The following TMEM179 variants were observed in gnomAD, a reference collection of about 807,000 sequenced individuals.
TMEM179 encodes transmembrane protein 179A.
Under a neutral mutation model 22.2 loss-of-function variants are expected in TMEM179, and 17 were observed. The ratio of observed to expected loss-of-function variants is 0.77; its 90% CI spans 0.52 to 1.15. The LOEUF is 1.15. Ranked by LOEUF, TMEM179 falls within the 50% of genes most tolerant of loss-of-function variation. The pLI is 0.00. For synonymous variants in TMEM179, 127 were observed against 140.5 expected (o/e 0.90, Z 0.68); for missense variants, 265 against 313.6 (o/e 0.84, Z 1.17).
At chr14:104,594,520 AC>A in intron 3 of TMEM179, 2 of 1,231,398 alleles carry the variant, frequency 1.6e-6, no homozygotes. Context: ...CAAGGGGCAA[AC>A]CCAATTCCAG....
rs576171913 is a variant in TMEM179 at position 104,597,675 on chromosome 14, G to A, written c.306-548C>T. On this transcript the variant is annotated intron_variant, in intron 1 of 3. Transcript: ENST00000556573. This position sits in a 1 kb window ranked among gnomAD's most constrained non-coding sequence, Gnocchi z 4.8. ...CAGATAACGACACAGCAAGAGGAAC[G>A]GGCCCTCAGCAGGCATCGAACCTGG... 2.6e-5 allele frequency among the ~76,000 whole-genome samples: 4 copies of A among 152,252 alleles called. No individual in the cohort carries two copies. The highest frequency in any genetic ancestry group is 3.9e-4 in the East Asian group (2 of 5,182).
intron 1 of TMEM179, among the ~76,000 whole-genome samples, chr14:104,601,193 C>T (rs1423999740): frequency 6.6e-6 from 1 of 152,226 alleles, no homozygotes; most frequent in Admixed American, 6.5e-5. Flanking sequence ...CCTGCAGACC[C>T]CATCTTCCCA....
rs1886835710 is a variant in TMEM179, at chr14:104,591,282, G to T, written c.*2197C>A. 2.3e-5 allele frequency: 10 copies of T among 439,930 alleles called. No individual in the cohort carries two copies. The highest frequency in any genetic ancestry group is 1.6e-4 in the South Asian group (10 of 61,908). 27.3% of individuals were successfully genotyped at this position (439,930 alleles called of 1,614,324 possible). On this transcript the variant is annotated 3_prime_UTR_variant, in exon 4 of 4. Transcript: ENST00000556573. The stretch of plus-strand genomic sequence containing the variant: ...AGACCCAACCGGGGCCAAGCCTCAG[G>T]TTCCAGAAGCCACCCCTGCCTCCTG...
At chr14:104,603,641 C>CCACAGAGGGAGAGGGTGGGTT (rs533135864) in intron 1 of TMEM179, among the ~76,000 whole-genome samples, 1 of 143,150 alleles carries the variant, frequency 7.0e-6, no homozygotes, top group Non-Finnish European at 1.5e-5. Context: ...CAGAGGGCAC[C>CCACAGAGGGAGAGGGTGGGTT]CACAGAGGGA....
chr14:104,593,473 C>T lies in TMEM179; in HGVS notation c.*6G>A, dbSNP rs1441220787. The T allele has an allele frequency of 3.3e-6, 5 of 1,536,046 alleles. No individual in the cohort carries two copies. The highest frequency in any genetic ancestry group is 2.4e-5 in the East Asian group (1 of 40,910). Reference sequence around the variant, plus strand: ...TCGGGGCCAGCTCCCCCTGCCTGCACTGTGCCTAAATGACAGCGCTCTTCT... The same window carrying T: ...TCGGGGCCAGCTCCCCCTGCCTGCATTGTGCCTAAATGACAGCGCTCTTCT... On this transcript the variant is annotated 3_prime_UTR_variant, in exon 4 of 4. Coordinates refer to ENST00000556573, the MANE Select transcript of TMEM179 (RefSeq NM_001286389.2).
chr14:104,593,940 C>A (rs778957910), intron 3 of TMEM179: 2 of 904,050 alleles, frequency 2.2e-6, no homozygotes, highest in African/African-American at 1.7e-5. Context: ...CACTCCAGGC[C>A]GGCCAGAGGC....
chr14:104,597,025 G>A lies in TMEM179; in HGVS notation c.408C>T (p.Cys136=), dbSNP rs200115105. The change falls in exon 2 of 4, where the codon TGC becomes TGT. Residue 136 remains cysteine, a synonymous_variant. Coordinates refer to ENST00000556573, the MANE Select transcript of TMEM179 (RefSeq NM_001286389.2). The surrounding 1 kb of genome is among the most constrained non-coding windows in gnomAD (Gnocchi z 4.8). ...TIVSVGFTMW[C]DTITEKGTVP... ...CGGTGCCCTTCTCGGTGATGGTGTC[G>A]CACCACATGGTGAAGCCCACGCTCA... 113 of 1,609,564 alleles carry A rather than the reference G, an allele frequency of 7.0e-5. No individual in the cohort carries two copies. The African/African-American group carries it at 1.1e-3, about 16-fold the overall frequency.
Position 104,601,388 on chromosome 14 carries a change from C to T in TMEM179, c.305+3049G>A, listed in dbSNP as rs143030205. 8.1e-4 allele frequency among the ~76,000 whole-genome samples: 123 copies of T among 152,304 alleles called. 3 individuals carry two copies. The East Asian group carries it at 0.017, about 21-fold the overall frequency. On this transcript the variant is annotated intron_variant, in intron 1 of 3. Coordinates refer to ENST00000556573, the MANE Select transcript of TMEM179 (RefSeq NM_001286389.2). ...ACTCCTACGCACCATCCCCTGTGCT[C>T]AGCCCTAAGGACACAGAGATGAATA...
At chr14:104,593,949 G>A in intron 3 of TMEM179, 1 of 956,324 alleles carries the variant, frequency 1.0e-6, no homozygotes, top group Non-Finnish European at 1.4e-6. Flanking sequence ...CCGGCCAGAG[G>A]CCCCGAGGAG....
At position 104,595,095 on chromosome 14, in the gene TMEM179, A is replaced by G. The variant is rs780533439; in HGVS notation, c.522+70T>C. 5 of 1,608,448 alleles carry G rather than the reference A, an allele frequency of 3.1e-6. No individual in the cohort carries two copies. The South Asian group carries it at 5.5e-5, about 18-fold the overall frequency. ...TCCTCCTCTGGATGGGGGAGAGCTC[A>G]GCAAATGTCCAGCAGTAAATGGCCC... is the stretch of plus-strand genomic sequence containing the variant. On this transcript the variant is annotated intron_variant, in intron 3 of 3. Transcript: ENST00000556573. This position sits in a 1 kb window ranked among gnomAD's most constrained non-coding sequence, Gnocchi z 5.7.
chr14:104,593,630 C>A lies in TMEM179; in HGVS notation c.551G>T (p.Trp184Leu). The change falls in exon 4 of 4, where the codon TGG (tryptophan) becomes TTG (leucine). Residue 184 changes from tryptophan (W) to leucine (L), a missense_variant. Physicochemically the swap from Trp to Leu is moderately conservative, Grantham distance 61. Coordinates refer to ENST00000556573, the MANE Select transcript of TMEM179 (RefSeq NM_001286389.2). ...QFGLWASWLA[W>L]LAITTLAFLK... ...GAAGGCCAGCGTGGTGATGGCCAGC[C>A]AGGCCAGCCATGAGGCCCAGAGGCC... The A allele has an allele frequency of 6.7e-7, 1 of 1,486,846 alleles. No individual in the cohort carries two copies. Among genetic ancestry groups the A allele is most frequent in the Non-Finnish European group, 8.9e-7 (1 of 1,118,880 alleles). The allele number at this position is 1,486,846 out of a possible 1,614,324, so 92.1% of individuals were successfully genotyped here.
At position 104,591,961 on chromosome 14, in the gene TMEM179, A is replaced by T. The variant is rs2140476107; in HGVS notation, c.*1518T>A. 6.3e-6 allele frequency: 1 copy of T among 158,996 alleles called. No homozygotes were observed. The highest frequency in any genetic ancestry group is 1.8e-4 in the South Asian group (1 of 5,556). The allele number at this position is 158,996 out of a possible 1,614,324, so 9.8% of individuals were successfully genotyped here. A position where few individuals can be genotyped will look rare whatever the true frequency, so the allele number is the denominator to read the frequency against. On this transcript the variant is annotated 3_prime_UTR_variant, in exon 4 of 4. Coordinates refer to ENST00000556573, the MANE Select transcript of TMEM179 (RefSeq NM_001286389.2). ...TCCTGAGGGGCAGGGTCCACAGCCA[A>T]GCAGCCCCCTACGCCGGGGTCCCAG...
intron 1 of TMEM179, among the ~76,000 whole-genome samples, chr14:104,600,609 TTTAC>T (rs1285095434): frequency 5.9e-5 from 9 of 151,932 alleles, no homozygotes; most frequent in African/African-American, 1.9e-4. Context: ...CATTCATTCA[TTTAC>T]TCATTCATTC....
chr14:104,604,397 G>A lies in TMEM179; in HGVS notation c.305+40C>T, dbSNP rs746142593. On this transcript the variant is annotated intron_variant, in intron 1 of 3. Coordinates refer to ENST00000556573, the MANE Select transcript of TMEM179 (RefSeq NM_001286389.2). The surrounding 1 kb of genome is among the most constrained non-coding windows in gnomAD (Gnocchi z 4.6). ...GGAGGTGGGTCTGGGGGCGCTGGGGGCATGGAAGGGGCGCCGCGCCGGGAG... is the reference window on the plus strand; with the variant it reads ...GGAGGTGGGTCTGGGGGCGCTGGGGACATGGAAGGGGCGCCGCGCCGGGAG... The A allele has an allele frequency of 1.2e-5, 17 of 1,459,932 alleles. No homozygotes were observed. The highest frequency in any genetic ancestry group is 7.5e-5 in the Admixed American group (3 of 39,888). The allele number at this position is 1,459,932 out of a possible 1,614,324, so 90.4% of individuals were successfully genotyped here.
rs550166499 is a variant in TMEM179 at position 104,594,796 on chromosome 14, G to A, written c.522+369C>T. ...TCTGATCTGAACAGGCCCACCCAGC[G>A]CCAGCACCAAAGTCCAAAGCCCTTG... On this transcript the variant is annotated intron_variant, in intron 3 of 3. Coordinates refer to ENST00000556573, the MANE Select transcript of TMEM179 (RefSeq NM_001286389.2). 145 of 1,211,366 alleles carry A rather than the reference G, an allele frequency of 1.2e-4. 1 individual carries two copies. In the African/African-American group the frequency reaches 1.7e-3, roughly 14 times the overall value. The allele number at this position is 1,211,366 out of a possible 1,614,324, so 75.0% of individuals were successfully genotyped here.
In TMEM179 at chr14:104,594,655, G is replaced by A. The variant is rs991474019; in HGVS notation, c.522+510C>T. On this transcript the variant is annotated intron_variant, in intron 3 of 3. Transcript: ENST00000556573. Reference sequence around the variant, plus strand: ...CCAAGTCTCCTAGGGGGCGGGGGACGCAGCTTATACAAGGGCAGGGTGGCA... The same window carrying A: ...CCAAGTCTCCTAGGGGGCGGGGGACACAGCTTATACAAGGGCAGGGTGGCA... 111 of 1,215,034 alleles carry A rather than the reference G, an allele frequency of 9.1e-5. No individual in the cohort carries two copies. In the Middle Eastern group the frequency reaches 1.3e-3, roughly 14 times the overall value. The allele number at this position is 1,215,034 out of a possible 1,614,324, so 75.3% of individuals were successfully genotyped here. A position where few individuals can be genotyped will look rare whatever the true frequency, so the allele number is the denominator to read the frequency against.
At chr14:104,593,885 G>A (rs115852902) in intron 3 of TMEM179, among the ~76,000 whole-genome samples, 1,572 of 152,318 alleles carry the variant, frequency 0.01, 34 homozygotes, top group African/African-American at 0.036. Context: ...TGGCCCTCCC[G>A]GAACCCACTC....
At position 104,595,740 on chromosome 14, in the gene TMEM179, C is replaced by T. The variant is rs1227299763; in HGVS notation, c.444-497G>A. 6.6e-6 allele frequency among the ~76,000 whole-genome samples: 1 copy of T among 152,178 alleles called. No individual in the cohort carries two copies. The highest frequency in any genetic ancestry group is 2.4e-5 in the African/African-American group (1 of 41,448). ...AGGTGGCATCCCCACCAACGCTGCC[C>T]AGAAGCTCTGCCCCCATCACGGAGG... On this transcript the variant is annotated intron_variant, in intron 2 of 3. Transcript: ENST00000556573. This position sits in a 1 kb window ranked among gnomAD's most constrained non-coding sequence, Gnocchi z 5.7.
At chr14:104,599,031 C>T (rs1887148885) in intron 1 of TMEM179, among the ~76,000 whole-genome samples, 1 of 152,220 alleles carries the variant, frequency 6.6e-6, no homozygotes, top group Non-Finnish European at 1.5e-5. Flanking sequence ...CATCACAGCG[C>T]CACATCCAAA....
Sources: allele counts gnomAD v4.1 joint callset (sites outside exome capture counted in the v4.1 genomes callset), GRCh38; gene constraint gnomAD v4.1.1; non-coding constraint Gnocchi (gnomAD v3.1); transcripts MANE v1.5; gene names NCBI Gene and HGNC (gene_info 2026-07-23, HGNC 2026-07-21).